The following SPOCK3 variants were observed in gnomAD, a reference collection of about 807,000 sequenced individuals.
SPOCK3 encodes testican-3.
SPOCK3 carries 30 observed loss-of-function variants against 56.6 expected under a neutral mutation model. The ratio of observed to expected loss-of-function variants is 0.53; its 90% CI spans 0.40 to 0.72. SPOCK3 has a LOEUF of 0.72. Among genes scored for constraint, SPOCK3 ranks in the 30% least tolerant of loss-of-function variants. The pLI is 0.00. For missense variants in SPOCK3, 527 were observed against 530.0 expected, an observed-to-expected ratio of 0.99 and a Z score of 0.06; for synonymous variants, 196 against 183.3, an observed-to-expected ratio of 1.07 and a Z score of -0.56.
chr4:166,987,071 G>T (rs1450939532), intron 4 of SPOCK3, among the ~76,000 whole-genome samples: 1 of 152,128 alleles, frequency 6.6e-6, no homozygotes, highest in Non-Finnish European at 1.5e-5. Flanking sequence ...CTGAAGCCCT[G>T]CCATGGTTTG....
chr4:166,879,806 G>A (rs767170375), intron 6 of SPOCK3, among the ~76,000 whole-genome samples: 2 of 152,100 alleles, frequency 1.3e-5, no homozygotes, highest in African/African-American at 2.4e-5. Context: ...GAGATCTGGC[G>A]GGAGGTGATT....
chr4:167,152,248 C>T (rs1392079613), intron 2 of SPOCK3, among the ~76,000 whole-genome samples: 3 of 152,244 alleles, frequency 2.0e-5, no homozygotes, highest in African/African-American at 2.4e-5. Context: ...ACCGTTAATA[C>T]AAATGTTCCA....
intron 8 of SPOCK3, among the ~76,000 whole-genome samples, chr4:166,752,841 G>C (rs1736602220): frequency 6.6e-6 from 1 of 151,874 alleles, no homozygotes. Context: ...TGTTGGCTAA[G>C]AGTTTAGCCA....
intron 4 of SPOCK3, among the ~76,000 whole-genome samples, chr4:166,975,097 T>G (rs1269474336): frequency 6.6e-6 from 1 of 152,162 alleles, no homozygotes; most frequent in Non-Finnish European, 1.5e-5. Context: ...TTGTCCATGT[T>G]AGGGTACAGC....
chr4:166,920,563 C>T (rs754971973), intron 4 of SPOCK3, among the ~76,000 whole-genome samples: 1 of 152,060 alleles, frequency 6.6e-6, no homozygotes, highest in Non-Finnish European at 1.5e-5. Context: ...CAGCACTGAG[C>T]AAAGTGTGAA....
At chr4:166,964,788 A>C (rs553953711) in intron 4 of SPOCK3, among the ~76,000 whole-genome samples, 2 of 151,960 alleles carry the variant, frequency 1.3e-5, no homozygotes, top group East Asian at 3.9e-4. Context: ...GAAGTCAATA[A>C]ATTGGACCTC....
At chr4:167,181,988 C>A (rs1044692731) in intron 2 of SPOCK3, among the ~76,000 whole-genome samples, 1 of 152,010 alleles carries the variant, frequency 6.6e-6, no homozygotes, top group Non-Finnish European at 1.5e-5. Context: ...CAGTAAGATG[C>A]CCAATATGAT....
At chr4:166,838,526 G>C (rs987317427) in intron 6 of SPOCK3, among the ~76,000 whole-genome samples, 1 of 150,914 alleles carries the variant, frequency 6.6e-6, no homozygotes, top group Non-Finnish European at 1.5e-5. Context: ...CAGAATTTCC[G>C]TTGGTTATTT....
chr4:167,134,892 A>G (rs77436429), intron 2 of SPOCK3, among the ~76,000 whole-genome samples: 1,942 of 152,086 alleles, frequency 0.013, 17 homozygotes, highest in Middle Eastern at 0.027. Context: ...TGAACAGTCA[A>G]TAAGACTGTT....
intron 2 of SPOCK3, among the ~76,000 whole-genome samples, chr4:167,134,476 T>C (rs1762954686): frequency 6.6e-6 from 1 of 152,190 alleles, no homozygotes; most frequent in Non-Finnish European, 1.5e-5. Flanking sequence ...TTATTTGCTA[T>C]TATTTTTCAA....
chr4:166,825,757 T>G (rs975128518), intron 6 of SPOCK3, among the ~76,000 whole-genome samples: 1 of 152,114 alleles, frequency 6.6e-6, no homozygotes, highest in Admixed American at 6.6e-5. Context: ...TGGATGGAGC[T>G]GGAAGCCATT....
At chr4:166,987,374 C>T (rs1747283684) in intron 4 of SPOCK3, among the ~76,000 whole-genome samples, 1 of 152,182 alleles carries the variant, frequency 6.6e-6, no homozygotes, top group Admixed American at 6.6e-5. Context: ...ACTGCTCTGC[C>T]ACCTTGCCTC....
chr4:167,125,002 C>A (rs1762143892), intron 2 of SPOCK3, among the ~76,000 whole-genome samples: 1 of 152,116 alleles, frequency 6.6e-6, no homozygotes, highest in Admixed American at 6.5e-5. Context: ...ATTCTAAAGT[C>A]ACTATCTTAG....
intron 2 of SPOCK3, among the ~76,000 whole-genome samples, chr4:167,141,338 C>G (rs1763513056): frequency 6.6e-6 from 1 of 152,000 alleles, no homozygotes; most frequent in African/African-American, 2.4e-5. Flanking sequence ...ACTTGAAAGG[C>G]TTTAAATAGA....
intron 8 of SPOCK3, among the ~76,000 whole-genome samples, chr4:166,750,224 A>G (rs1736202033): frequency 1.3e-5 from 2 of 152,182 alleles, no homozygotes; most frequent in African/African-American, 4.8e-5. Context: ...TTCTTAGAGC[A>G]CTTAACTGAG....
At chr4:166,784,322 A>G (rs532847126) in intron 7 of SPOCK3, among the ~76,000 whole-genome samples, 3 of 152,148 alleles carry the variant, frequency 2.0e-5, no homozygotes, top group African/African-American at 4.8e-5. Context: ...TTTTATAGCA[A>G]TACTTTTAAA....
chr4:166,819,705 A>T (rs1744724873), intron 6 of SPOCK3, among the ~76,000 whole-genome samples: 2 of 152,010 alleles, frequency 1.3e-5, no homozygotes, highest in African/African-American at 4.8e-5. Flanking sequence ...GAAATTAAAG[A>T]TTAAATAAAT....
intron 2 of SPOCK3, among the ~76,000 whole-genome samples, chr4:167,138,399 T>C (rs930651676): frequency 2.6e-5 from 4 of 151,922 alleles, no homozygotes; most frequent in African/African-American, 9.7e-5. Flanking sequence ...GTATCATTTA[T>C]TGAAGATTTA....
intron 9 of SPOCK3, among the ~76,000 whole-genome samples, chr4:166,738,456 T>C (rs1052464283): frequency 1.3e-5 from 2 of 151,564 alleles, no homozygotes; most frequent in Non-Finnish European, 2.9e-5. Context: ...TTTTACTCTA[T>C]GGTTTTTTTT....
Sources: gnomAD v4.1 joint callset for allele counts (sites outside exome capture counted in the v4.1 genomes callset) on GRCh38, gnomAD v4.1.1 for gene constraint, MANE v1.5 for transcripts, NCBI Gene and HGNC (gene_info 2026-07-23, HGNC 2026-07-21) for gene names.